Variants in ADCY8 observed in about 807,000 individuals in gnomAD.
ADCY8 encodes adenylate cyclase 8.
Under a neutral mutation model 119.7 loss-of-function variants are expected in ADCY8, and 51 were observed. That is an observed-to-expected ratio of 0.43 (90% CI 0.34 to 0.54). The LOEUF is 0.54. Ranked by LOEUF, ADCY8 falls within the 20% of genes least tolerant of loss-of-function variation. The probability of loss-of-function intolerance (pLI) is 0.03; values close to 1 mark genes in which losing one functional copy is unlikely to be tolerated. For missense variants in ADCY8, 1,383 were observed against 1,598.8 expected, an observed-to-expected ratio of 0.87 and a Z score of 2.30; for synonymous variants, 665 against 651.0, an observed-to-expected ratio of 1.02 and a Z score of -0.33.
intron 5 of ADCY8, among the ~76,000 whole-genome samples, chr8:130,928,905 C>G (rs545868809): frequency 6.6e-6 from 1 of 152,186 alleles, no homozygotes; most frequent in East Asian, 1.9e-4. Flanking sequence ...CACAGTGAAA[C>G]CATCAGGTCC....
At chr8:130,914,591 G>A (rs568303680) in intron 5 of ADCY8, among the ~76,000 whole-genome samples, 62 of 152,296 alleles carry the variant, frequency 4.1e-4, no homozygotes, top group African/African-American at 1.5e-3. Flanking sequence ...AGGCTACCCT[G>A]TGGTTGCAAA....
intron 2 of ADCY8, among the ~76,000 whole-genome samples, chr8:130,959,501 T>C (rs1821534655): frequency 6.6e-6 from 1 of 152,298 alleles, no homozygotes; most frequent in East Asian, 1.9e-4. Flanking sequence ...ATAGAGAACA[T>C]TGGTGAACAG....
In ADCY8 at chr8:130,794,720, T is replaced by A. The variant is rs1815526923; in HGVS notation, c.3060+5706A>T. On this transcript the variant is annotated intron_variant, in intron 15 of 17. Coordinates refer to ENST00000286355, the MANE Select transcript of ADCY8 (RefSeq NM_001115.3). ...ACTCATTTCTCACAGCACATGAATT[T>A]TAGGGAGGAGATGCTATTCAGTCCA... Among the ~76,000 whole-genome samples, 4 of 152,196 alleles carry A rather than the reference T, an allele frequency of 2.6e-5. No individual in the cohort carries two copies. The South Asian group carries it at 8.3e-4, about 31-fold the overall frequency.
At chr8:130,943,497 G>T in intron 3 of ADCY8, 35 bp from the exon 4 acceptor site, 8 of 491,338 alleles carry the variant, frequency 1.6e-5, no homozygotes, top group African/African-American at 4.1e-5. Context: ...GTGGGGGGAG[G>T]AAGTATATTA....
At position 130,787,533 on chromosome 8, in the gene ADCY8, GCATA is replaced by G. The variant is rs1815285179; in HGVS notation, c.3061-2062_3061-2059del. On this transcript the variant is annotated intron_variant, in intron 15 of 17. Transcript: ENST00000286355. ...TGTTTATGTGCATGTGTGTCCACCT[GCATA>G]CATATGTGTGTGGACACACATGTGG... Among the ~76,000 whole-genome samples, 10 of 146,172 alleles carry G rather than the reference GCATA, an allele frequency of 6.8e-5. No individual in the cohort carries two copies. In the South Asian group the frequency reaches 2.2e-3, roughly 33 times the overall value.
At chr8:131,031,791 A>T (rs563580462) in intron 1 of ADCY8, among the ~76,000 whole-genome samples, 75 of 152,230 alleles carry the variant, frequency 4.9e-4, no homozygotes, top group African/African-American at 1.4e-3. Flanking sequence ...ATTTTTTTTT[A>T]AAATAAATTA....
At chr8:130,967,411 A>G (rs1821794819) in intron 2 of ADCY8, among the ~76,000 whole-genome samples, 1 of 152,218 alleles carries the variant, frequency 6.6e-6, no homozygotes, top group Non-Finnish European at 1.5e-5. Flanking sequence ...CTTGCTCTGT[A>G]ACTGTGATAA....
At chr8:130,992,875 A>G (rs946861701) in intron 1 of ADCY8, among the ~76,000 whole-genome samples, 1 of 152,200 alleles carries the variant, frequency 6.6e-6, no homozygotes, top group Non-Finnish European at 1.5e-5. Flanking sequence ...TATAAATTTT[A>G]TAAAGATACA....
intron 5 of ADCY8, among the ~76,000 whole-genome samples, chr8:130,922,343 A>C: frequency 6.6e-6 from 1 of 151,080 alleles, no homozygotes. Context: ...TTTCCTAGGC[A>C]GAGGACCCTG....
chr8:130,892,324 A>T (rs548107641), intron 7 of ADCY8: 2 of 151,622 alleles, frequency 1.3e-5, no homozygotes, highest in African/African-American at 4.8e-5. Flanking sequence ...GAAGTTTCCG[A>T]CTATTGTCTG....
At chr8:130,941,115 A>G (rs1820942078) in intron 4 of ADCY8, among the ~76,000 whole-genome samples, 1 of 152,238 alleles carries the variant, frequency 6.6e-6, no homozygotes, top group African/African-American at 2.4e-5. Flanking sequence ...AAAACTTTAT[A>G]GTATTTTATC....
intron 1 of ADCY8, among the ~76,000 whole-genome samples, chr8:131,019,032 A>T (rs749993843): frequency 1.2e-4 from 18 of 152,164 alleles, no homozygotes; most frequent in Non-Finnish European, 2.5e-4. Context: ...ATTTTAGCTC[A>T]AAACACTACA....
At chr8:130,823,042 T>C (rs1014722257) in intron 12 of ADCY8, among the ~76,000 whole-genome samples, 4 of 152,184 alleles carry the variant, frequency 2.6e-5, no homozygotes, top group African/African-American at 9.7e-5. Flanking sequence ...AGCTCCTCCT[T>C]GTGACTTCTT....
At chr8:130,936,927 A>C in intron 5 of ADCY8, 146 bp downstream of exon 5, 1 of 950,550 alleles carries the variant, frequency 1.1e-6, no homozygotes, top group African/African-American at 1.6e-5. Context: ...TTTATATGGG[A>C]GAACTAAGGG....
At chr8:130,936,490 C>A (rs1185113379) in intron 5 of ADCY8, among the ~76,000 whole-genome samples, 1 of 152,142 alleles carries the variant, frequency 6.6e-6, no homozygotes. Flanking sequence ...TCTTTCCACC[C>A]CAGGCTTCAC....
In ADCY8 at chr8:131,025,511, G is replaced by A. The variant is rs114397156; in HGVS notation, c.960+13863C>T. Among the ~76,000 whole-genome samples, 1,509 of 152,266 alleles carry A rather than the reference G, an allele frequency of 9.9e-3. 30 individuals carry two copies. The highest frequency in any genetic ancestry group is 0.034 in the African/African-American group (1,428 of 41,532). On this transcript the variant is annotated intron_variant, in intron 1 of 17. Transcript: ENST00000286355. ...AACAAGCTTCTGATATGAGATTCCC[G>A]CGTGATGTGCCAGTGTCCATTCCGG...
intron 14 of ADCY8, among the ~76,000 whole-genome samples, chr8:130,802,331 C>T (rs1815806563): frequency 1.3e-5 from 2 of 152,152 alleles, no homozygotes; most frequent in African/African-American, 4.8e-5. Context: ...CATATTTGCT[C>T]CTACCACTGT....
intron 12 of ADCY8, among the ~76,000 whole-genome samples, chr8:130,824,489 G>A (rs2130214608): frequency 6.6e-6 from 1 of 152,166 alleles, no homozygotes; most frequent in Admixed American, 6.5e-5. Flanking sequence ...ACTTATAATT[G>A]CTTGCCCTTA....
chr8:130,814,542 T>C (rs552681982), intron 13 of ADCY8, among the ~76,000 whole-genome samples: 104 of 152,312 alleles, frequency 6.8e-4, no homozygotes, highest in African/African-American at 2.4e-3. Context: ...TCCATTCTCG[T>C]GGTGCTAATC....
Sources: gnomAD v4.1 joint callset for allele counts (sites outside exome capture counted in the v4.1 genomes callset) on GRCh38, gnomAD v4.1.1 for gene constraint, MANE v1.5 for transcripts, NCBI Gene and HGNC (gene_info 2026-07-23, HGNC 2026-07-21) for gene names.